Variants in ADK observed in about 807,000 individuals in gnomAD.
ADK encodes the protein adenosine kinase, also known as N6,N6-dimethyladenosine kinase.
In ADK, 24 loss-of-function variants were observed where a neutral mutation model predicts 44.7. The ratio of observed to expected loss-of-function variants is 0.54; its 90% CI spans 0.39 to 0.76. The LOEUF (loss-of-function observed/expected upper bound fraction) is 0.76, where lower values mean the gene tolerates loss of function less well. Among genes scored for constraint, ADK ranks in the 30% least tolerant of loss-of-function variants. ADK has a pLI of 0.00. For missense variants in ADK, 321 were observed against 425.1 expected, an observed-to-expected ratio of 0.76 and a Z score of 2.15; for synonymous variants, 128 against 142.6, an observed-to-expected ratio of 0.90 and a Z score of 0.73.
chr10:74,626,758 T>C (rs1853219882), intron 9 of ADK, among the ~76,000 whole-genome samples: 1 of 152,206 alleles, frequency 6.6e-6, no homozygotes, highest in African/African-American at 2.4e-5. Flanking sequence ...TCCCTCCCAA[T>C]GTTGTTTAAA....
At chr10:74,494,516 T>C (rs557703741) in intron 6 of ADK, among the ~76,000 whole-genome samples, 2 of 152,332 alleles carry the variant, frequency 1.3e-5, no homozygotes, top group South Asian at 4.1e-4. Flanking sequence ...TTAGGTTTCT[T>C]TATACCTGTG....
intron 6 of ADK, among the ~76,000 whole-genome samples, chr10:74,499,942 T>C (rs1477288520): frequency 6.6e-6 from 1 of 152,184 alleles, no homozygotes; most frequent in African/African-American, 2.4e-5. Flanking sequence ...GATAAGTCAA[T>C]AGATGAATGC....
chr10:74,697,005 G>A (rs1056568358), intron 10 of ADK, among the ~76,000 whole-genome samples: 1 of 152,086 alleles, frequency 6.6e-6, no homozygotes, highest in Admixed American at 6.6e-5. Context: ...GGTGAACAAT[G>A]TACTACCTAG....
chr10:74,328,708 G>T (rs1841104956), intron 4 of ADK, among the ~76,000 whole-genome samples: 3 of 152,116 alleles, frequency 2.0e-5, no homozygotes, highest in South Asian at 4.1e-4. Context: ...TGTGAAGAAG[G>T]TCTTTACTTC....
Position 74,419,107 on chromosome 10 carries a change from G to A in ADK, c.555+20528G>A, listed in dbSNP as rs547249163. ...TATTTTTCCAGTAAGCTTTTCACGT[G>A]GTTTTAGAAAAAATTTCTGAATCTT... is the stretch of plus-strand genomic sequence containing the variant. On this transcript the variant is annotated intron_variant, in intron 6 of 10. Transcript: ENST00000539909. 1.8e-4 allele frequency among the ~76,000 whole-genome samples: 28 copies of A among 152,032 alleles called. No individual in the cohort carries two copies. In the South Asian group the frequency reaches 5.6e-3, roughly 30 times the overall value.
intron 6 of ADK, among the ~76,000 whole-genome samples, chr10:74,495,543 G>A (rs527498884): frequency 7.9e-4 from 120 of 152,176 alleles, no homozygotes; most frequent in Non-Finnish European, 1.5e-3. Context: ...TTCTTTTTGG[G>A]TGAACTTAAG....
intron 10 of ADK, among the ~76,000 whole-genome samples, chr10:74,673,249 G>C (rs976738197): frequency 2.0e-5 from 3 of 152,218 alleles, no homozygotes; most frequent in African/African-American, 4.8e-5. Context: ...CAGTAGAATC[G>C]ATTGCACTAC....
At chr10:74,326,488 ACTTGGGAGGCCT>A (rs1369856579) in intron 4 of ADK, among the ~76,000 whole-genome samples, 2 of 151,544 alleles carry the variant, frequency 1.3e-5, no homozygotes, top group African/African-American at 4.8e-5. Flanking sequence ...AGTCTGAGCT[ACTTGGGAGGCCT>A]CTTGGGAGGC....
intron 1 of ADK, among the ~76,000 whole-genome samples, chr10:74,160,014 A>G (rs1318318329): frequency 6.6e-6 from 1 of 152,232 alleles, no homozygotes; most frequent in Admixed American, 6.5e-5. Context: ...CTCAACTCCA[A>G]GCCAAAATCT....
At chr10:74,352,007 A>C (rs1252825963) in intron 4 of ADK, among the ~76,000 whole-genome samples, 1 of 152,148 alleles carries the variant, frequency 6.6e-6, no homozygotes, top group South Asian at 2.1e-4. Flanking sequence ...TAATGTATAG[A>C]TCCAATGCTA....
intron 6 of ADK, among the ~76,000 whole-genome samples, chr10:74,519,682 A>G (rs1349551464): frequency 6.6e-6 from 1 of 151,954 alleles, no homozygotes; most frequent in African/African-American, 2.4e-5. Context: ...TTTAGTTACT[A>G]GAGAGGAATA....
chr10:74,176,864 G>T, intron 1 of ADK: 2 of 1,609,012 alleles, frequency 1.2e-6, no homozygotes, highest in African/African-American at 2.7e-5. Flanking sequence ...TGGGCAGGAG[G>T]GCGAAGCCAT....
chr10:74,669,449 C>A (rs1005514257), intron 9 of ADK, among the ~76,000 whole-genome samples: 1 of 152,144 alleles, frequency 6.6e-6, no homozygotes, highest in African/African-American at 2.4e-5. Flanking sequence ...GTTTAAAGTA[C>A]TAAATTAGGT....
At chr10:74,207,689 G>A (rs957946777) in intron 2 of ADK, among the ~76,000 whole-genome samples, 2 of 152,184 alleles carry the variant, frequency 1.3e-5, no homozygotes, top group Non-Finnish European at 1.5e-5. Flanking sequence ...GGAGAAGTGT[G>A]TGCTGATTGG....
chr10:74,502,242 T>C (rs1449282873), intron 6 of ADK, among the ~76,000 whole-genome samples: 1 of 152,164 alleles, frequency 6.6e-6, no homozygotes, highest in Non-Finnish European at 1.5e-5. Context: ...TTGCTATTTT[T>C]TTTAAATTTT....
chr10:74,554,051 C>T (rs938940014), intron 7 of ADK, among the ~76,000 whole-genome samples: 6 of 152,076 alleles, frequency 3.9e-5, no homozygotes, highest in African/African-American at 1.4e-4. Context: ...AATCTTTTGC[C>T]TTATTGCATA....
intron 3 of ADK, among the ~76,000 whole-genome samples, chr10:74,267,951 A>G (rs1052548573): frequency 6.6e-6 from 1 of 152,118 alleles, no homozygotes; most frequent in Non-Finnish European, 1.5e-5. Flanking sequence ...TGATTCCCCA[A>G]AGAAAATTTG....
intron 7 of ADK, among the ~76,000 whole-genome samples, chr10:74,567,489 T>G (rs966461513): frequency 1.3e-5 from 2 of 152,152 alleles, no homozygotes; most frequent in Non-Finnish European, 2.9e-5. Context: ...CTTAGTACTT[T>G]CCACTCCTCT....
intron 6 of ADK, among the ~76,000 whole-genome samples, chr10:74,408,863 T>C (rs1184020350): frequency 1.3e-5 from 2 of 152,156 alleles, no homozygotes; most frequent in Non-Finnish European, 2.9e-5. Flanking sequence ...GGAGGAGTGG[T>C]TGGCCTTCAT....
Sources: gnomAD v4.1 joint callset for allele counts (sites outside exome capture counted in the v4.1 genomes callset) on GRCh38, gnomAD v4.1.1 for gene constraint, MANE v1.5 for transcripts, NCBI Gene and HGNC (gene_info 2026-07-23, HGNC 2026-07-21) for gene names.